TMEM273: variants seen among roughly 807,000 people sequenced by gnomAD.
TMEM273 encodes the protein chromosome 10 open reading frame 128.
In TMEM273, 19 loss-of-function variants were observed where a neutral mutation model predicts 17.9. That is an observed-to-expected ratio of 1.06 (90% CI 0.74 to 1.55). The LOEUF (loss-of-function observed/expected upper bound fraction) is 1.55, where lower values mean the gene tolerates loss of function less well. TMEM273 is among the 40% of genes most tolerant of loss of function. The pLI, the probability that TMEM273 is intolerant of heterozygous loss-of-function variation, is 0.00. For synonymous variants in TMEM273, 66 were observed against 62.0 expected, an observed-to-expected ratio of 1.07 and a Z score of -0.31; for missense variants, 194 against 155.6, an observed-to-expected ratio of 1.25 and a Z score of -1.31.
At chr10:49,159,024 A>G (rs956013224) in intron 6 of TMEM273, among the ~76,000 whole-genome samples, 2 of 152,192 alleles carry the variant, frequency 1.3e-5, no homozygotes, top group African/African-American at 4.8e-5. Context: ...ATAAACCAGG[A>G]ACTATTGAAA....
At chr10:49,167,253 C>T (rs527660782) in intron 2 of TMEM273, among the ~76,000 whole-genome samples, 25 of 152,344 alleles carry the variant, frequency 1.6e-4, no homozygotes, top group Middle Eastern at 6.8e-3. Context: ...CCTGGCTACC[C>T]CTGCCCAAAA....
At chr10:49,160,703 G>A (rs1845788315) in intron 6 of TMEM273, 1 of 152,068 alleles carries the variant, frequency 6.6e-6, no homozygotes, top group Non-Finnish European at 1.5e-5. Flanking sequence ...GAAACACAAT[G>A]GTGCTGTATT....
At chr10:49,161,761 T>C in intron 5 of TMEM273, 139 bp from the exon 6 acceptor site, 2 of 996,736 alleles carry the variant, frequency 2.0e-6, no homozygotes, top group Non-Finnish European at 3.1e-6. Flanking sequence ...TCAGCCTGAC[T>C]CCATCTAGTG....
At chr10:49,171,877 T>C (rs2002436) in intron 1 of TMEM273, among the ~76,000 whole-genome samples, 58,965 of 133,520 alleles carry the variant, frequency 0.44, 11,532 homozygotes, top group African/African-American at 0.54. Context: ...CCAGGCCTCT[T>C]TGAGCTGTCC....
At position 49,167,892 on chromosome 10, in the gene TMEM273, C is replaced by A. The variant is rs370415693; in HGVS notation, c.97+17G>T. ...GCCCCTGACCCTGTGCACAGAATAACATGGGCAGCCACGTACCAATTTCAG... is the reference window on the plus strand; with the variant it reads ...GCCCCTGACCCTGTGCACAGAATAAAATGGGCAGCCACGTACCAATTTCAG... On this transcript the variant is annotated intron_variant, in intron 2 of 6. Coordinates refer to ENST00000374153, the MANE Select transcript of TMEM273 (RefSeq NM_001288740.3). The A allele has an allele frequency of 1.2e-5, 19 of 1,613,832 alleles. No homozygotes were observed. Among genetic ancestry groups the A allele is most frequent in the Non-Finnish European group, 1.6e-5 (19 of 1,179,912 alleles).
At chr10:49,159,140 C>T (rs956948385) in intron 6 of TMEM273, among the ~76,000 whole-genome samples, 8 of 151,844 alleles carry the variant, frequency 5.3e-5, no homozygotes, top group Admixed American at 4.6e-4. Context: ...GAATCGTGTA[C>T]ATGACACACG....
chr10:49,181,174 G>T (rs1847318664), intron 1 of TMEM273, among the ~76,000 whole-genome samples: 1 of 152,162 alleles, frequency 6.6e-6, no homozygotes, highest in Non-Finnish European at 1.5e-5. Context: ...AATTATGCAG[G>T]TGTAAGTCTA....
chr10:49,187,755 C>T (rs1207351956), intron 1 of TMEM273, among the ~76,000 whole-genome samples: 1 of 152,180 alleles, frequency 6.6e-6, no homozygotes, highest in African/African-American at 2.4e-5. Context: ...TCAAGGAATG[C>T]ATTAAAGATA....
chr10:49,183,134 G>A (rs192372694), intron 1 of TMEM273, among the ~76,000 whole-genome samples: 52 of 152,290 alleles, frequency 3.4e-4, no homozygotes, highest in African/African-American at 1.1e-3. Flanking sequence ...TCCTGGCCTG[G>A]ACACAAAACC....
chr10:49,164,791 C>T (rs1846062389), intron 5 of TMEM273, among the ~76,000 whole-genome samples: 1 of 152,108 alleles, frequency 6.6e-6, no homozygotes, highest in Admixed American at 6.5e-5. Context: ...CCTCTGCACC[C>T]CCAAGACACA....
At chr10:49,157,258 C>A (rs1303058180) in intron 6 of TMEM273, among the ~76,000 whole-genome samples, 2 of 152,204 alleles carry the variant, frequency 1.3e-5, no homozygotes, top group Non-Finnish European at 1.5e-5. Context: ...GGTAGCGATA[C>A]CTCTGCAGAT....
At chr10:49,171,805 C>T (rs1203916368) in intron 1 of TMEM273, among the ~76,000 whole-genome samples, 1 of 152,242 alleles carries the variant, frequency 6.6e-6, no homozygotes, top group African/African-American at 2.4e-5. Context: ...GAGCTGAAGG[C>T]ACGGCCTAGC....
At chr10:49,156,090 A>G (rs1331441020) in intron 6 of TMEM273, 181 bp from the exon 7 acceptor site, 13 of 1,543,340 alleles carry the variant, frequency 8.4e-6, no homozygotes, top group Non-Finnish European at 1.1e-5. Context: ...CTTCTGGGTA[A>G]AGGGGAGAGC....
rs1352159758 is a variant in TMEM273, at chr10:49,167,979, C to T, written c.44-17G>A. On this transcript the variant is annotated splice_polypyrimidine_tract_variant and intron_variant, in intron 1 of 6. Transcript: ENST00000374153. Reference sequence around the variant, plus strand: ...CTCCTACATCTGCAAAGAAAGAAACCCCAGAGCCTGGTTAGAACAGAGCTG... The same window carrying T: ...CTCCTACATCTGCAAAGAAAGAAACTCCAGAGCCTGGTTAGAACAGAGCTG... 6.2e-7 allele frequency: 1 copy of T among 1,613,938 alleles called. No individual in the cohort carries two copies. Among genetic ancestry groups the T allele is most frequent in the Non-Finnish European group, 8.5e-7 (1 of 1,179,966 alleles).
chr10:49,161,493 C>T, intron 6 of TMEM273, 106 bp downstream of exon 6: 1 of 1,455,318 alleles, frequency 6.9e-7, no homozygotes, highest in Non-Finnish European at 9.6e-7. Context: ...GTTGCCCGTC[C>T]CACGTGGCCA....
At chr10:49,165,840 A>T (rs1343703013) in intron 3 of TMEM273, 44 bp from the exon 4 acceptor site, 1 of 1,611,844 alleles carries the variant, frequency 6.2e-7, no homozygotes, top group South Asian at 1.1e-5. Context: ...TCGTGTGACA[A>T]GAGGTGCAGA....
In TMEM273 at chr10:49,181,638, A is replaced by G. The variant is rs540813126; in HGVS notation, c.43+6656T>C. Among the ~76,000 whole-genome samples the G allele has an allele frequency of 3.9e-5, 6 of 152,340 alleles. No individual in the cohort carries two copies. In the South Asian group the frequency reaches 1.2e-3, roughly 32 times the overall value. Reference sequence around the variant, plus strand: ...TCATTTTTTCAACCAACAGTGCTGGACCAATTAGATATCCAAGGTTAAAAA... The same window carrying G: ...TCATTTTTTCAACCAACAGTGCTGGGCCAATTAGATATCCAAGGTTAAAAA... On this transcript the variant is annotated intron_variant, in intron 1 of 6. Transcript: ENST00000374153.
Position 49,183,663 on chromosome 10 carries a change from C to T in TMEM273, c.43+4631G>A, listed in dbSNP as rs574387769. 7.2e-5 allele frequency among the ~76,000 whole-genome samples: 11 copies of T among 152,296 alleles called. No individual in the cohort carries two copies. The South Asian group carries it at 1.5e-3, about 20-fold the overall frequency. ...TTTGAATCCCAACTGGGCCACTCAC[C>T]TGCTACTTTAATCTCTCTGTGCCTC... On this transcript the variant is annotated intron_variant, in intron 1 of 6. Transcript: ENST00000374153.
At chr10:49,183,870 G>C (rs903713269) in intron 1 of TMEM273, among the ~76,000 whole-genome samples, 2 of 151,902 alleles carry the variant, frequency 1.3e-5, no homozygotes, top group Admixed American at 6.6e-5. Flanking sequence ...AGTGAATTAA[G>C]GGCCAAAATG....
Sources: gnomAD v4.1 joint callset for allele counts (sites outside exome capture counted in the v4.1 genomes callset) on GRCh38, gnomAD v4.1.1 for gene constraint, MANE v1.5 for transcripts, NCBI Gene and HGNC (gene_info 2026-07-23, HGNC 2026-07-21) for gene names.